Variants in HIF3A observed in about 807,000 individuals in gnomAD.
The protein encoded by HIF3A is hypoxia-inducible factor 3-alpha.
A neutral mutation model predicts 67.2 loss-of-function variants in HIF3A; 41 were observed. That is an observed-to-expected ratio of 0.61 (90% CI 0.48 to 0.79). The LOEUF (loss-of-function observed/expected upper bound fraction) is 0.79, where lower values mean the gene tolerates loss of function less well. Ranked by LOEUF, HIF3A falls within the 30% of genes least tolerant of loss-of-function variation. The pLI, the probability that HIF3A is intolerant of heterozygous loss-of-function variation, is 0.00. For synonymous variants in HIF3A, 356 were observed against 374.8 expected (o/e 0.95, Z 0.58); for missense variants, 855 against 898.0 (o/e 0.95, Z 0.61).
intron 14 of HIF3A, among the ~76,000 whole-genome samples, chr19:46,335,962 G>A (rs907097119): frequency 6.6e-6 from 1 of 151,954 alleles, no homozygotes; most frequent in African/African-American, 2.4e-5. Context: ...GATTGCTTAA[G>A]CCCAGGAGTT....
rs1971993493 is a variant in HIF3A at position 46,343,257 on chromosome 19, C to T, written c.*3635C>T. 6.6e-6 allele frequency: 1 copy of T among 152,662 alleles called. No individual in the cohort carries two copies. 9.5% of individuals were successfully genotyped at this position (152,662 alleles called of 1,614,324 possible). ...CTGTTTTGTCAGAGAGTGGCCTATCCAGATTGGTGCTATGGGGGGGTCTGA... is the reference window on the plus strand; with the variant it reads ...CTGTTTTGTCAGAGAGTGGCCTATCTAGATTGGTGCTATGGGGGGGTCTGA... On this transcript the variant is annotated 3_prime_UTR_variant, in exon 15 of 15. Transcript: ENST00000377670.
rs1967956594 is a variant in HIF3A at position 46,297,499 on chromosome 19, G to T, written c.26+397G>T. ...TCTGGCCTCTGAACCCCCCAAAATT[G>T]AGGGTATTCTTTGCCACCAGGTGCC... On this transcript the variant is annotated intron_variant, in intron 1 of 14. Coordinates refer to ENST00000377670, the MANE Select transcript of HIF3A (RefSeq NM_152795.4). This position sits in a 1 kb window ranked among gnomAD's most constrained non-coding sequence, Gnocchi z 4.5. 6.6e-6 allele frequency among the ~76,000 whole-genome samples: 1 copy of T among 152,070 alleles called. No homozygotes were observed. Among genetic ancestry groups the T allele is most frequent in the African/African-American group, 2.4e-5 (1 of 41,410 alleles).
intron 8 of HIF3A, among the ~76,000 whole-genome samples, chr19:46,316,940 A>C (rs1333617620): frequency 6.6e-6 from 1 of 152,100 alleles, no homozygotes; most frequent in African/African-American, 2.4e-5. Context: ...CAACATATAC[A>C]TATGTATATA....
intron 1 of HIF3A, chr19:46,298,654 T>C: frequency 1.8e-6 from 1 of 543,352 alleles, no homozygotes; most frequent in Non-Finnish European, 2.8e-6. Flanking sequence ...TGAGGTAGTA[T>C]TCCCGGAGAA....
intron 1 of HIF3A, among the ~76,000 whole-genome samples, chr19:46,302,382 G>A (rs1568497684): frequency 6.6e-6 from 1 of 151,840 alleles, no homozygotes; most frequent in African/African-American, 2.4e-5. Context: ...CGCCCGCCTC[G>A]GCCTCCCAAA....
rs1237594345 is a variant in HIF3A, at chr19:46,305,375, C to T, written c.348C>T (p.His116=). 6.2e-7 allele frequency: 1 copy of T among 1,614,028 alleles called. No homozygotes were observed. ...ACCTGTCGGAGAATGTCAGCAAACACCTGGGCCTCAGTCAGGTGAGAGGAG... is the reference window on the plus strand; with the variant it reads ...ACCTGTCGGAGAATGTCAGCAAACATCTGGGCCTCAGTCAGGTGAGAGGAG... ...MAYLSENVSK[H]LGLSQLELIG... Residue 116 remains histidine (H), a synonymous_variant, in exon 3 of 15, where the codon CAC becomes CAT. Transcript: ENST00000377670.
rs1971937340 is a variant in HIF3A, at chr19:46,341,629, T to TCTG, written c.*2009_*2010insGCT. ...GAGTTTGATGTGTTTATCTCTTTTT[T>TCTG]CTTCCTCTTCTTTTTTTTTTTTTTC... On this transcript the variant is annotated 3_prime_UTR_variant, in exon 15 of 15. Transcript: ENST00000377670. 1 of 151,080 alleles carries TCTG rather than the reference T, an allele frequency of 6.6e-6. No individual in the cohort carries two copies. The highest frequency in any genetic ancestry group is 2.5e-5 in the African/African-American group (1 of 40,456). The allele number at this position is 151,080 out of a possible 1,614,324, so 9.4% of individuals were successfully genotyped here.
In HIF3A at chr19:46,303,808, C is replaced by A; in HGVS notation, c.27-90C>A. The A allele has an allele frequency of 6.6e-6, 10 of 1,516,370 alleles. No homozygotes were observed. The South Asian group carries it at 1.2e-4, about 18-fold the overall frequency. 93.9% of individuals were successfully genotyped at this position (1,516,370 alleles called of 1,614,324 possible). Reference sequence around the variant, plus strand: ...CCGCGGCCCAGCACTCCACGAGCCCCGGCCCCACGTGGCAGCTCCCCACGT... The same window carrying A: ...CCGCGGCCCAGCACTCCACGAGCCCAGGCCCCACGTGGCAGCTCCCCACGT... On this transcript the variant is annotated intron_variant, in intron 1 of 14. Transcript: ENST00000377670.
intron 14 of HIF3A, among the ~76,000 whole-genome samples, chr19:46,336,989 A>AAAATAT (rs1485459272): frequency 6.6e-6 from 1 of 152,188 alleles, no homozygotes; most frequent in East Asian, 1.9e-4. Context: ...TCTGTCTCAA[A>AAAATAT]AAATATAAAT....
At chr19:46,304,241 A>C (rs2147123761) in intron 2 of HIF3A, 153 bp downstream of exon 2, 1 of 649,634 alleles carries the variant, frequency 1.5e-6, no homozygotes, top group East Asian at 2.8e-5. Flanking sequence ...CCCCCCTGGA[A>C]TCGACTTCCC....
At chr19:46,304,255 G>A (rs1968619679) in intron 2 of HIF3A, 167 bp downstream of exon 2, 4 of 618,156 alleles carry the variant, frequency 6.5e-6, no homozygotes, top group Non-Finnish European at 1.1e-5. Context: ...ACTTCCCCGG[G>A]GAGGCCCCGC....
intron 13 of HIF3A, among the ~76,000 whole-genome samples, chr19:46,333,985 G>A (rs1418978867): frequency 2.0e-5 from 3 of 151,728 alleles, no homozygotes; most frequent in Non-Finnish European, 4.4e-5. Flanking sequence ...AGTAGAGACA[G>A]GGTTTCACCG....
At chr19:46,310,291 A>G (rs771447680) in intron 6 of HIF3A, among the ~76,000 whole-genome samples, 11 of 152,110 alleles carry the variant, frequency 7.2e-5, no homozygotes, top group Non-Finnish European at 1.0e-4. Flanking sequence ...GCTACGCAGG[A>G]GGCTGAAGTG....
intron 1 of HIF3A, 97 bp from the exon 2 acceptor site, chr19:46,303,801 C>G (rs1434310198): frequency 9.3e-6 from 14 of 1,504,764 alleles, no homozygotes; most frequent in South Asian, 6.1e-5. Flanking sequence ...CAGCACTCCA[C>G]GAGCCCCGGC....
intron 8 of HIF3A, among the ~76,000 whole-genome samples, chr19:46,313,845 A>G (rs1363610600): frequency 2.0e-5 from 3 of 150,732 alleles, no homozygotes; most frequent in African/African-American, 7.4e-5. Flanking sequence ...TATTTTTAAT[A>G]GAGAAGGAGT....
chr19:46,302,108 T>C (rs1012567485), intron 1 of HIF3A, among the ~76,000 whole-genome samples: 1 of 151,784 alleles, frequency 6.6e-6, no homozygotes, highest in Admixed American at 6.5e-5. Context: ...TTTTGTTAAT[T>C]TGTTTTTTGT....
At chr19:46,308,330 CCCACCATACAGA>C in intron 4 of HIF3A, 25 bp downstream of exon 4, 3 of 1,454,752 alleles carry the variant, frequency 2.1e-6, no homozygotes, top group Non-Finnish European at 2.9e-6. Context: ...GGCCTCTGTC[CCCACCATACAGA>C]GGAGGAAGCT....
intron 8 of HIF3A, among the ~76,000 whole-genome samples, chr19:46,316,060 A>G (rs1462208772): frequency 6.6e-6 from 1 of 151,936 alleles, no homozygotes; most frequent in Non-Finnish European, 1.5e-5. Flanking sequence ...GTGAAACTCC[A>G]TCTCTACTAA....
At chr19:46,310,893 G>A (rs1403647858) in intron 6 of HIF3A, among the ~76,000 whole-genome samples, 4 of 152,084 alleles carry the variant, frequency 2.6e-5, no homozygotes. Context: ...TGGGATCACA[G>A]GGGCCTGCCA....
Sources: allele counts gnomAD v4.1 joint callset (sites outside exome capture counted in the v4.1 genomes callset), GRCh38; gene constraint gnomAD v4.1.1; non-coding constraint Gnocchi (gnomAD v3.1); transcripts MANE v1.5; gene names NCBI Gene and HGNC (gene_info 2026-07-23, HGNC 2026-07-21).